DPP6: variants seen among roughly 807,000 people sequenced by gnomAD.
The protein encoded by DPP6 is dipeptidyl peptidase like 6.
Under a neutral mutation model 122.6 loss-of-function variants are expected in DPP6, and 69 were observed. The ratio of observed to expected loss-of-function variants is 0.56; its 90% CI spans 0.46 to 0.69. The LOEUF (loss-of-function observed/expected upper bound fraction) is 0.69. Ranked by LOEUF, DPP6 falls within the 30% of genes least tolerant of loss-of-function variation. DPP6 has a pLI of 0.00. For synonymous variants in DPP6, 418 were observed against 433.1 expected (o/e 0.97, Z 0.43); for missense variants, 928 against 1,116.9 (o/e 0.83, Z 2.41).
At chr7:154,764,529 G>A (rs144681574) in intron 8 of DPP6, among the ~76,000 whole-genome samples, 54 of 152,280 alleles carry the variant, frequency 3.5e-4, no homozygotes, top group African/African-American at 9.9e-4. Context: ...CTGGGAGGCC[G>A]TGTGCCCACC....
At chr7:154,156,430 T>C (rs1294805348) in intron 1 of DPP6, among the ~76,000 whole-genome samples, 1 of 152,216 alleles carries the variant, frequency 6.6e-6, no homozygotes, top group African/African-American at 2.4e-5. Context: ...AAATCTCTTT[T>C]AGACTGTTGC....
chr7:154,864,979 C>T (rs759656374), intron 17 of DPP6, among the ~76,000 whole-genome samples: 6 of 152,188 alleles, frequency 3.9e-5, no homozygotes, highest in Non-Finnish European at 2.9e-5. Flanking sequence ...CCTTCATGAC[C>T]AGCATTTGAG....
Position 154,578,620 on chromosome 7 carries a change from T to TGG in DPP6, c.627+11705_627+11706dup, listed in dbSNP as rs1230044690. ...ATCTGTAGAAATTAATGAGNNCAAG[T>TGG]GGTGAGTTGCTTGAACAGTTCCCAA... is the stretch of plus-strand genomic sequence containing the variant. On this transcript the variant is annotated intron_variant, in intron 5 of 25. Transcript: ENST00000377770. Among the ~76,000 whole-genome samples the TGG allele has an allele frequency of 2.5e-4, 38 of 152,180 alleles. 1 individual carries two copies. In the East Asian group the frequency reaches 6.8e-3, roughly 27 times the overall value.
chr7:153,863,043 C>T, the DPP6 span, among the ~76,000 whole-genome samples: 3 of 152,154 alleles, frequency 2.0e-5, no homozygotes, highest in Non-Finnish European at 2.9e-5. Context: ...AATATCCTAT[C>T]TTAAACATTT....
chr7:154,346,308 T>A (rs1403005564), intron 1 of DPP6, among the ~76,000 whole-genome samples: 2 of 151,630 alleles, frequency 1.3e-5, no homozygotes, highest in Non-Finnish European at 2.9e-5. Flanking sequence ...TTCATCTTTC[T>A]TTTTTTTTCT....
chr7:153,825,332 G>A, the DPP6 span, among the ~76,000 whole-genome samples: 7 of 152,182 alleles, frequency 4.6e-5, no homozygotes, highest in East Asian at 1.9e-4. Context: ...GTAGATAGAC[G>A]TACTGCTTGC....
At chr7:154,761,016 G>A (rs1587058948) in intron 8 of DPP6, among the ~76,000 whole-genome samples, 1 of 151,994 alleles carries the variant, frequency 6.6e-6, no homozygotes, top group South Asian at 2.1e-4. Flanking sequence ...TGTATTTTTA[G>A]TAGAGACAGG....
chr7:154,215,996 C>T (rs1472441019), intron 1 of DPP6, among the ~76,000 whole-genome samples: 2 of 151,908 alleles, frequency 1.3e-5, no homozygotes, highest in Non-Finnish European at 2.9e-5. Flanking sequence ...AGTCGTGGGC[C>T]CAGTGAACAG....
At chr7:153,902,901 A>G (rs920956923) in intron 1 of DPP6, among the ~76,000 whole-genome samples, 1 of 152,176 alleles carries the variant, frequency 6.6e-6, no homozygotes, top group South Asian at 2.1e-4. Context: ...AGAAGAAAAC[A>G]CTTTCCTCCT....
At position 154,522,682 on chromosome 7, in the gene DPP6, G is replaced by A. The variant is rs536607916; in HGVS notation, c.458-17850G>A. On this transcript the variant is annotated intron_variant, in intron 3 of 25. Coordinates refer to ENST00000377770, the MANE Select transcript of DPP6 (RefSeq NM_130797.4). The stretch of plus-strand genomic sequence containing the variant: ...TTTTTGTGAGGTAAACCAGAAAGCA[G>A]AAAACCCAGACACGAGAAAAAAAAA... Among the ~76,000 whole-genome samples the A allele has an allele frequency of 1.5e-4, 21 of 144,736 alleles. 1 individual carries two copies. In the South Asian group the frequency reaches 4.7e-3, roughly 32 times the overall value. The allele number at this position is 144,736 out of a possible 152,430, so 95.0% of individuals were successfully genotyped here.
Position 154,483,119 on chromosome 7 carries a change from G to A in DPP6, c.457+8082G>A, listed in dbSNP as rs1293038024. ...GGAAGAGGGGAAGAGGGACACGGAG[G>A]TGTCTGAGGAAGTGTGGTCAGGGAG... On this transcript the variant is annotated intron_variant, in intron 3 of 25. Transcript: ENST00000377770. The surrounding 1 kb of genome is among the most constrained non-coding windows in gnomAD (Gnocchi z 8.1). Among the ~76,000 whole-genome samples the A allele has an allele frequency of 6.6e-6, 1 of 152,158 alleles. No homozygotes were observed. The highest frequency in any genetic ancestry group is 1.9e-4 in the East Asian group (1 of 5,192).
At chr7:154,171,186 C>G (rs79619356) in intron 1 of DPP6, among the ~76,000 whole-genome samples, 4,156 of 152,300 alleles carry the variant, frequency 0.027, 177 homozygotes, top group African/African-American at 0.092. Context: ...TCTGCTCTAT[C>G]AGGTAAAGGA....
chr7:154,543,979 G>A (rs1828942900), intron 4 of DPP6, among the ~76,000 whole-genome samples: 1 of 128,682 alleles, frequency 7.8e-6, no homozygotes, highest in South Asian at 2.6e-4. Flanking sequence ...GGGCAACAGA[G>A]TGAGACTCCA....
intron 1 of DPP6, among the ~76,000 whole-genome samples, chr7:154,200,554 T>C (rs569150209): frequency 6.6e-6 from 1 of 152,260 alleles, no homozygotes; most frequent in South Asian, 2.1e-4. Context: ...AGGTCAGTAC[T>C]AAAAACTACT....
At chr7:154,654,579 C>T (rs1586819269) in intron 6 of DPP6, among the ~76,000 whole-genome samples, 1 of 151,756 alleles carries the variant, frequency 6.6e-6, no homozygotes, top group Non-Finnish European at 1.5e-5. Flanking sequence ...CCACCACACC[C>T]AGCTAATTTT....
At chr7:154,185,153 A>C (rs1390595955) in intron 1 of DPP6, among the ~76,000 whole-genome samples, 1 of 152,218 alleles carries the variant, frequency 6.6e-6, no homozygotes, top group Non-Finnish European at 1.5e-5. Context: ...TACTAAGGCA[A>C]TTGTAATCAC....
chr7:154,346,756 C>T (rs1240953813), intron 1 of DPP6, among the ~76,000 whole-genome samples: 3 of 152,206 alleles, frequency 2.0e-5, no homozygotes, highest in Non-Finnish European at 4.4e-5. Context: ...ATCAAGGCTT[C>T]CTGAGCTTTC....
chr7:154,516,162 G>GT (rs1826482263), intron 3 of DPP6, among the ~76,000 whole-genome samples: 1 of 152,030 alleles, frequency 6.6e-6, no homozygotes, highest in Non-Finnish European at 1.5e-5. Context: ...TCTGTTTAAT[G>GT]TAACTTCACA....
chr7:154,202,472 C>T (rs1327414084), intron 1 of DPP6, among the ~76,000 whole-genome samples: 1 of 152,130 alleles, frequency 6.6e-6, no homozygotes, highest in African/African-American at 2.4e-5. Context: ...ATATTTTGGC[C>T]AGGCTTCCCT....
Sources: gnomAD v4.1 joint callset for allele counts (sites outside exome capture counted in the v4.1 genomes callset) on GRCh38, gnomAD v4.1.1 for gene constraint, Gnocchi (gnomAD v3.1) non-coding constraint, MANE v1.5 for transcripts, NCBI Gene and HGNC (gene_info 2026-07-23, HGNC 2026-07-21) for gene names.